TLE4: variants seen among roughly 807,000 people sequenced by gnomAD.
The protein encoded by TLE4 is TLE family member 4, transcriptional corepressor.
TLE4 carries 8 observed loss-of-function variants against 92.8 expected under a neutral mutation model. That is an observed-to-expected ratio of 0.09 (90% CI 0.05 to 0.16). The LOEUF (loss-of-function observed/expected upper bound fraction) is 0.16, where lower values mean the gene tolerates loss of function less well. TLE4 is among the 10% of genes least tolerant of loss of function. The probability of loss-of-function intolerance (pLI) is 1.00; values close to 1 mark genes in which losing one functional copy is unlikely to be tolerated. For missense variants in TLE4, 675 were observed against 997.6 expected, an observed-to-expected ratio of 0.68 and a Z score of 4.36; for synonymous variants, 371 against 374.1, an observed-to-expected ratio of 0.99 and a Z score of 0.10.
intron 14 of TLE4, among the ~76,000 whole-genome samples, chr9:79,715,664 T>G (rs1338666175): frequency 6.6e-6 from 1 of 152,000 alleles, no homozygotes; most frequent in African/African-American, 2.4e-5. Flanking sequence ...ATTTCCCCAG[T>G]GTATTAAAGA....
intron 5 of TLE4, among the ~76,000 whole-genome samples, chr9:79,618,135 C>A (rs1397360155): frequency 6.6e-6 from 1 of 152,176 alleles, no homozygotes; most frequent in African/African-American, 2.4e-5. Context: ...ATTATGCCCC[C>A]CTAAAACTTA....
chr9:79,714,752 G>C (rs1305930921), intron 14 of TLE4, among the ~76,000 whole-genome samples: 1 of 152,188 alleles, frequency 6.6e-6, no homozygotes, highest in Non-Finnish European at 1.5e-5. Flanking sequence ...ACCTAGTTTT[G>C]TATCCTTAGC....
rs747072968 is a variant in TLE4 at position 79,612,748 on chromosome 9, A to G, written c.315+30A>G. ...GGTAGTTGATTTTAGGCACTGGACT[A>G]GAAGTTGCCATTTTAGTGGTTTTGC... On this transcript the variant is annotated intron_variant, in intron 5 of 19. Coordinates refer to ENST00000376552, the MANE Select transcript of TLE4 (RefSeq NM_007005.6). 16 of 1,603,896 alleles carry G rather than the reference A, an allele frequency of 1.0e-5. No individual in the cohort carries two copies. The South Asian group carries it at 1.8e-4, about 18-fold the overall frequency.
intron 14 of TLE4, among the ~76,000 whole-genome samples, chr9:79,712,037 G>A (rs1588539484): frequency 6.6e-6 from 1 of 152,176 alleles, no homozygotes; most frequent in East Asian, 1.9e-4. Flanking sequence ...GCTTCAATCA[G>A]CTCATTCATG....
chr9:79,634,309 C>T (rs920292608), intron 6 of TLE4, among the ~76,000 whole-genome samples: 46 of 152,056 alleles, frequency 3.0e-4, no homozygotes, highest in African/African-American at 8.2e-4. Flanking sequence ...TTTTAATTAA[C>T]GCATTTTAAT....
chr9:79,635,565 A>C (rs2055541593), intron 6 of TLE4, among the ~76,000 whole-genome samples: 1 of 151,490 alleles, frequency 6.6e-6, no homozygotes, highest in African/African-American at 2.4e-5. Context: ...TATATGCATT[A>C]AGTTGAGGTT....
rs539973662 is a variant in TLE4, at chr9:79,591,885, A to AGAG, written c.252+15716_252+15718dup. Among the ~76,000 whole-genome samples the AGAG allele has an allele frequency of 1.8e-3, 268 of 152,230 alleles. 1 individual carries two copies. The highest frequency in any genetic ancestry group is 8.2e-4 in the Non-Finnish European group (56 of 68,010). On this transcript the variant is annotated intron_variant, in intron 4 of 19. Transcript: ENST00000376552. ...TAGGAAGGAGGGAGTGAAAGAAGGA[A>AGAG]GAGGAGGAGGGAATGAATGAGTTTG...
chr9:79,649,089 T>G (rs1051227728), intron 6 of TLE4, among the ~76,000 whole-genome samples: 4 of 152,058 alleles, frequency 2.6e-5, no homozygotes, highest in Non-Finnish European at 4.4e-5. Flanking sequence ...AACTGAGAAA[T>G]GCTCAGTCAC....
At chr9:79,583,751 T>G (rs770491287) in intron 4 of TLE4, among the ~76,000 whole-genome samples, 34 of 152,272 alleles carry the variant, frequency 2.2e-4, no homozygotes, top group Admixed American at 9.8e-4. Context: ...AAAATATAAC[T>G]GGAAAGAATA....
At position 79,706,125 on chromosome 9, in the gene TLE4, G is replaced by A. The variant is rs537592604; in HGVS notation, c.783+183G>A. On this transcript the variant is annotated intron_variant, in intron 10 of 19. Coordinates refer to ENST00000376552, the MANE Select transcript of TLE4 (RefSeq NM_007005.6). ...AGTATTGTGACCACAGTTCACTGCA[G>A]CCTTGAACTCCTACGCTAAAGTGAT... 3.9e-5 allele frequency among the ~76,000 whole-genome samples: 6 copies of A among 152,202 alleles called. No homozygotes were observed. In the South Asian group the frequency reaches 1.2e-3, roughly 32 times the overall value.
rs760092768 is a variant in TLE4 at position 79,652,598 on chromosome 9, A to G, written c.396A>G (p.Gln132=). 3 of 1,613,560 alleles carry G rather than the reference A, an allele frequency of 1.9e-6. No individual in the cohort carries two copies. Among genetic ancestry groups the G allele is most frequent in the Admixed American group, 3.3e-5 (2 of 59,966 alleles). The change falls in exon 7 of 20, where the codon CAA becomes CAG. Residue 132 remains glutamine (Q), a synonymous_variant. Transcript: ENST00000376552. ...TGTTTAATTTTTCACAGCAGCAACA[A>G]CTCCAGGCCCAGCATTTATCACATG... ...MAELNAIIGQ[Q]LQAQHLSHGH...
At chr9:79,615,374 G>T (rs972675736) in intron 5 of TLE4, among the ~76,000 whole-genome samples, 1 of 152,136 alleles carries the variant, frequency 6.6e-6, no homozygotes, top group African/African-American at 2.4e-5. Flanking sequence ...TGCTGCATTA[G>T]AATTTATTTT....
At chr9:79,580,731 G>T (rs773798583) in intron 4 of TLE4, among the ~76,000 whole-genome samples, 19 of 151,286 alleles carry the variant, frequency 1.3e-4, no homozygotes, top group Non-Finnish European at 2.5e-4. Context: ...TTTTTTCAGA[G>T]ATAGGTATAA....
intron 8 of TLE4, among the ~76,000 whole-genome samples, chr9:79,701,879 A>G (rs991052342): frequency 1.3e-5 from 2 of 152,210 alleles, no homozygotes; most frequent in Non-Finnish European, 2.9e-5. Flanking sequence ...CCCACAGCCT[A>G]AAGTGGGAAG....
At chr9:79,670,061 G>A (rs931700998) in intron 8 of TLE4, among the ~76,000 whole-genome samples, 2 of 152,140 alleles carry the variant, frequency 1.3e-5, no homozygotes, top group Admixed American at 6.6e-5. Flanking sequence ...GCATCTATGT[G>A]ATTAAGTAGT....
intron 14 of TLE4, among the ~76,000 whole-genome samples, chr9:79,715,201 AACC>A (rs1191430670): frequency 6.6e-6 from 1 of 152,188 alleles, no homozygotes; most frequent in Non-Finnish European, 1.5e-5. Flanking sequence ...GCTCTTTAAT[AACC>A]ATTTAGTGAT....
At chr9:79,611,902 C>A (rs971089984) in intron 4 of TLE4, among the ~76,000 whole-genome samples, 1 of 129,190 alleles carries the variant, frequency 7.7e-6, no homozygotes, top group South Asian at 2.4e-4. Context: ...ATAGACTGTT[C>A]TTTGACATTG....
At chr9:79,590,130 G>A (rs2042174479) in intron 4 of TLE4, among the ~76,000 whole-genome samples, 1 of 152,144 alleles carries the variant, frequency 6.6e-6, no homozygotes, top group South Asian at 2.1e-4. Context: ...GAACTGTTTG[G>A]AAATGTGGTT....
chr9:79,605,196 G>A (rs375122854), intron 4 of TLE4, among the ~76,000 whole-genome samples: 2 of 152,108 alleles, frequency 1.3e-5, no homozygotes, highest in Non-Finnish European at 1.5e-5. Flanking sequence ...CAGGCTGAAA[G>A]TAAGCTCTCT....
Sources: gnomAD v4.1 joint callset for allele counts (sites outside exome capture counted in the v4.1 genomes callset) on GRCh38, gnomAD v4.1.1 for gene constraint, MANE v1.5 for transcripts, NCBI Gene and HGNC (gene_info 2026-07-23, HGNC 2026-07-21) for gene names.